Variants in ACKR3 observed in about 807,000 individuals in gnomAD.
ACKR3 encodes the protein atypical chemokine receptor 3, also known as C-X-C chemokine receptor type 7.
In ACKR3, 6 loss-of-function variants were observed where a neutral mutation model predicts 22.4. That is an observed-to-expected ratio of 0.27 (90% confidence interval 0.15 to 0.53). The LOEUF is 0.53. Ranked by LOEUF, ACKR3 falls within the 20% of genes least tolerant of loss-of-function variation. The pLI, the probability that ACKR3 is intolerant of heterozygous loss-of-function variation, is 0.96. For synonymous variants in ACKR3, 209 were observed against 205.2 expected (o/e 1.02, Z -0.16); for missense variants, 396 against 475.2 (o/e 0.83, Z 1.55).
chr2:236,548,403 A>C, the ACKR3 span, among the ~76,000 whole-genome samples: 1 of 152,186 alleles, frequency 6.6e-6, no homozygotes, highest in African/African-American at 2.4e-5. The surrounding 1 kb of genome is among the most constrained non-coding windows in gnomAD (Gnocchi z 4.3). Flanking sequence ...GATGTTATGA[A>C]ATCAGGCCCT....
chr2:236,546,030 A>G, the ACKR3 span, among the ~76,000 whole-genome samples: 1 of 152,176 alleles, frequency 6.6e-6, no homozygotes, highest in South Asian at 2.1e-4. This position sits in a 1 kb window ranked among gnomAD's most constrained non-coding sequence, Gnocchi z 4.9. Flanking sequence ...CTTCCTTTTC[A>G]GAGACTCATT....
chr2:236,539,412 A>T, the ACKR3 span, among the ~76,000 whole-genome samples: 5 of 149,016 alleles, frequency 3.4e-5, no homozygotes, highest in Non-Finnish European at 7.4e-5. Flanking sequence ...TCCTGGGTTC[A>T]AGCAATTCTC....
chr2:236,578,880 C>T (rs988161848), intron 1 of ACKR3, among the ~76,000 whole-genome samples: 9 of 152,156 alleles, frequency 5.9e-5, no homozygotes, highest in South Asian at 2.1e-4. Context: ...AGGGAAAAAC[C>T]GCTCCCTTAG....
intron 1 of ACKR3, among the ~76,000 whole-genome samples, chr2:236,572,120 G>A (rs540742789): frequency 1.3e-5 from 2 of 152,312 alleles, no homozygotes; most frequent in African/African-American, 4.8e-5. Context: ...AGACAGATCA[G>A]GACAGGGAGG....
upstream of ACKR3, among the ~76,000 whole-genome samples, chr2:236,562,907 G>A (rs150777625): frequency 2.0e-5 from 3 of 152,246 alleles, no homozygotes; most frequent in Non-Finnish European, 4.4e-5. Flanking sequence ...ACCATGTAGC[G>A]CTGGAGAAGC....
At chr2:236,546,681 C>T in the ACKR3 span, among the ~76,000 whole-genome samples, 1 of 152,188 alleles carries the variant, frequency 6.6e-6, no homozygotes, top group Non-Finnish European at 1.5e-5. The surrounding 1 kb of genome is among the most constrained non-coding windows in gnomAD (Gnocchi z 4.9). Context: ...GCACCAGAGG[C>T]AAACAGATGT....
the ACKR3 span, among the ~76,000 whole-genome samples, chr2:236,558,610 A>G: frequency 2.6e-5 from 4 of 152,198 alleles, no homozygotes; most frequent in Non-Finnish European, 5.9e-5. Flanking sequence ...GAATATCCCT[A>G]TTTGTGGGAA....
chr2:236,563,387 T>C (rs1454342357), upstream of ACKR3, among the ~76,000 whole-genome samples: 2 of 152,248 alleles, frequency 1.3e-5, no homozygotes, highest in East Asian at 1.9e-4. Context: ...TATACTCCAG[T>C]TGGGGAGAAG....
the ACKR3 span, among the ~76,000 whole-genome samples, chr2:236,539,227 G>C: frequency 6.8e-6 from 1 of 147,830 alleles, no homozygotes; most frequent in South Asian, 2.1e-4. Flanking sequence ...TATGAGTTTT[G>C]ATAGACACAT....
chr2:236,574,052 G>A lies in ACKR3; in HGVS notation c.-27+4128G>A, dbSNP rs912826368. ...CTGCTGAAGGGGCATGCACCACCTT[G>A]CTCATGCCTGGGGGGTGATGGGCCT... On this transcript the variant is annotated intron_variant, in intron 1 of 1. Coordinates refer to ENST00000272928, the MANE Select transcript of ACKR3 (RefSeq NM_020311.3). The surrounding 1 kb of genome is among the most constrained non-coding windows in gnomAD (Gnocchi z 5.6). 1.3e-5 allele frequency among the ~76,000 whole-genome samples: 2 copies of A among 151,984 alleles called. No individual in the cohort carries two copies. Among genetic ancestry groups the A allele is most frequent in the African/African-American group, 2.4e-5 (1 of 41,380 alleles).
rs574137663 is a variant in ACKR3 at position 236,577,200 on chromosome 2, C to G, written c.-26-3240C>G. Among the ~76,000 whole-genome samples the G allele has an allele frequency of 6.6e-6, 1 of 152,152 alleles. No individual in the cohort carries two copies. Among genetic ancestry groups the G allele is most frequent in the Non-Finnish European group, 1.5e-5 (1 of 68,024 alleles). ...TGGGGCAGTGAGGAGCTCCAGCCTC[C>G]GCTCTCTCATTCAGCCCTTGGGCAG... is the stretch of plus-strand genomic sequence containing the variant. On this transcript the variant is annotated intron_variant, in intron 1 of 1. Coordinates refer to ENST00000272928, the MANE Select transcript of ACKR3 (RefSeq NM_020311.3). This position sits in a 1 kb window ranked among gnomAD's most constrained non-coding sequence, Gnocchi z 5.6.
At chr2:236,560,011 T>C in the ACKR3 span, among the ~76,000 whole-genome samples, 46,747 of 152,150 alleles carry the variant, frequency 0.31, 10,577 homozygotes, top group African/African-American at 0.65. Context: ...ATTTTTAGGT[T>C]CTTTGCATTT....
chr2:236,540,802 T>G, the ACKR3 span, among the ~76,000 whole-genome samples: 23 of 152,238 alleles, frequency 1.5e-4, no homozygotes, highest in Non-Finnish European at 3.2e-4. Flanking sequence ...TGATCAATCA[T>G]GTATGTGTGT....
At chr2:236,566,718 C>CCCTTCCCTTCCCTTCCCTTCCCCTTCCTT (rs776013246), upstream of ACKR3, among the ~76,000 whole-genome samples, 1 of 114,566 alleles carries the variant, frequency 8.7e-6, no homozygotes, top group African/African-American at 4.1e-5. Context: ...TCCTTTCCTT[C>CCCTTCCCTTCCCTTCCCTTCCCCTTCCTT]CCTTCCTTCC....
the ACKR3 span, among the ~76,000 whole-genome samples, chr2:236,554,825 TATC>T: frequency 6.6e-6 from 1 of 152,198 alleles, no homozygotes; most frequent in African/African-American, 2.4e-5. Context: ...TCAAGCTTAA[TATC>T]ATGCCAACTG....
In ACKR3 at chr2:236,581,273, G is replaced by C; in HGVS notation, c.808G>C (p.Val270Leu). 6.2e-7 allele frequency: 1 copy of C among 1,614,022 alleles called. No individual in the cohort carries two copies. The highest frequency in any genetic ancestry group is 8.5e-7 in the Non-Finnish European group (1 of 1,179,954). The change falls in exon 2 of 2, where the codon GTG (valine) becomes CTG (leucine). Residue 270 changes from valine (V) to leucine (L), a missense_variant. By Grantham distance (32) the Val-to-Leu change is conservative. Transcript: ENST00000272928. This position sits in a 1 kb window ranked among gnomAD's most constrained non-coding sequence, Gnocchi z 4.4. ...CCTTGTCTGCTGGCTGCCCTACCAC[G>C]TGGCGGTGCTGCTGGACATCTTCTC... ...VFLVCWLPYH[V>L]AVLLDIFSIL...
intron 1 of ACKR3, among the ~76,000 whole-genome samples, chr2:236,579,212 G>A (rs1350903027): frequency 6.6e-6 from 1 of 152,184 alleles, no homozygotes; most frequent in Non-Finnish European, 1.5e-5. Context: ...TGATCCTCCA[G>A]GAAATTCTCA....
chr2:236,549,787 C>T, the ACKR3 span, among the ~76,000 whole-genome samples: 1 of 152,212 alleles, frequency 6.6e-6, no homozygotes, highest in Non-Finnish European at 1.5e-5. This position sits in a 1 kb window ranked among gnomAD's most constrained non-coding sequence, Gnocchi z 5.3. Context: ...GAGCCCTGTA[C>T]ATCCCTGGGA....
chr2:236,566,232 A>G (rs561692356), upstream of ACKR3, among the ~76,000 whole-genome samples: 1 of 152,200 alleles, frequency 6.6e-6, no homozygotes, highest in African/African-American at 2.4e-5. Flanking sequence ...CCAGGTGCAG[A>G]TTACAGACAG....
Sources: allele counts gnomAD v4.1 joint callset (sites outside exome capture counted in the v4.1 genomes callset), GRCh38; gene constraint gnomAD v4.1.1; non-coding constraint Gnocchi (gnomAD v3.1); transcripts MANE v1.5; gene names NCBI Gene and HGNC (gene_info 2026-07-23, HGNC 2026-07-21).